Variants in DCC observed in about 807,000 individuals in gnomAD.
DCC encodes DCC netrin 1 receptor, also known as netrin receptor DCC.
A neutral mutation model predicts 172.5 loss-of-function variants in DCC; 58 were observed. That is an observed-to-expected ratio of 0.34 (90% CI 0.27 to 0.42). DCC has a LOEUF of 0.42. DCC is among the 10% of genes least tolerant of loss of function. The pLI, the probability that DCC is intolerant of heterozygous loss-of-function variation, is 1.00. For missense variants in DCC, 1,740 were observed against 1,791.0 expected, an observed-to-expected ratio of 0.97 and a Z score of 0.51; for synonymous variants, 709 against 644.5, an observed-to-expected ratio of 1.10 and a Z score of -1.52.
intron 7 of DCC, among the ~76,000 whole-genome samples, chr18:53,148,019 T>C (rs958750724): frequency 3.1e-4 from 47 of 152,152 alleles, no homozygotes; most frequent in African/African-American, 1.1e-3. Context: ...TTTACTTGAG[T>C]TTCTCACTGG....
chr18:52,839,710 A>C (rs1393590442), intron 2 of DCC, among the ~76,000 whole-genome samples: 1 of 152,208 alleles, frequency 6.6e-6, no homozygotes, highest in Non-Finnish European at 1.5e-5. Context: ...TTGTATCTTC[A>C]TTCTGAGAGT....
At chr18:53,437,051 C>T (rs1461273412) in intron 22 of DCC, among the ~76,000 whole-genome samples, 2 of 152,152 alleles carry the variant, frequency 1.3e-5, no homozygotes, top group Non-Finnish European at 2.9e-5. Context: ...TTAATGCCTC[C>T]CTAACAGGGA....
intron 2 of DCC, among the ~76,000 whole-genome samples, chr18:52,760,703 TA>T (rs1232966637): frequency 3.3e-5 from 5 of 152,200 alleles, no homozygotes; most frequent in African/African-American, 1.2e-4. Context: ...TGGTAAAATA[TA>T]TTATTTGGAC....
At chr18:52,895,760 C>T (rs1276956522) in intron 2 of DCC, among the ~76,000 whole-genome samples, 1 of 151,912 alleles carries the variant, frequency 6.6e-6, no homozygotes, top group African/African-American at 2.4e-5. Flanking sequence ...TGTATGGATT[C>T]CTAGAAGAAA....
intron 27 of DCC, among the ~76,000 whole-genome samples, chr18:53,517,923 ACT>A (rs1415824284): frequency 3.3e-5 from 5 of 152,130 alleles, no homozygotes; most frequent in African/African-American, 1.2e-4. Context: ...AAATGCGGCT[ACT>A]CTCTTTTTGT....
At chr18:52,894,925 T>A (rs1409786033) in intron 2 of DCC, among the ~76,000 whole-genome samples, 1 of 152,182 alleles carries the variant, frequency 6.6e-6, no homozygotes, top group East Asian at 1.9e-4. Context: ...CAAAATAATG[T>A]TTGGCCAAAA....
chr18:52,898,080 A>T (rs1226874296), intron 2 of DCC, among the ~76,000 whole-genome samples: 1 of 152,182 alleles, frequency 6.6e-6, no homozygotes, highest in East Asian at 1.9e-4. Flanking sequence ...AAGGGATGTA[A>T]CCTTCAGGCT....
At chr18:53,279,399 A>G (rs368296837) in intron 12 of DCC, among the ~76,000 whole-genome samples, 3 of 150,864 alleles carry the variant, frequency 2.0e-5, no homozygotes, top group African/African-American at 4.9e-5. Flanking sequence ...TCGCAAGGAC[A>G]AAAAACCAAA....
At chr18:52,980,667 C>T (rs2041195647) in intron 5 of DCC, among the ~76,000 whole-genome samples, 1 of 151,872 alleles carries the variant, frequency 6.6e-6, no homozygotes, top group Non-Finnish European at 1.5e-5. Context: ...AAAATAAGTA[C>T]TAAATATTAT....
intron 1 of DCC, among the ~76,000 whole-genome samples, chr18:52,710,149 C>G (rs112384578): frequency 6.6e-6 from 1 of 152,196 alleles, no homozygotes; most frequent in African/African-American, 2.4e-5. Flanking sequence ...ATGCTTATTG[C>G]AGCTGCATTT....
At chr18:52,380,884 T>G (rs1188517285) in intron 1 of DCC, among the ~76,000 whole-genome samples, 1 of 152,172 alleles carries the variant, frequency 6.6e-6, no homozygotes, top group Non-Finnish European at 1.5e-5. Flanking sequence ...TGAAAGATTC[T>G]TCTTTAGTCT....
At chr18:52,742,695 G>A (rs1390884700) in intron 1 of DCC, among the ~76,000 whole-genome samples, 2 of 152,082 alleles carry the variant, frequency 1.3e-5, no homozygotes, top group Non-Finnish European at 2.9e-5. Flanking sequence ...TAGGCTTACT[G>A]ACAAAGTGCT....
At chr18:53,295,123 A>G (rs1199245583) in intron 12 of DCC, among the ~76,000 whole-genome samples, 1 of 152,180 alleles carries the variant, frequency 6.6e-6, no homozygotes, top group Admixed American at 6.5e-5. Flanking sequence ...CAAACTTTGC[A>G]TAGTAATGTC....
chr18:53,167,056 C>CA (rs1402629237), intron 8 of DCC, among the ~76,000 whole-genome samples: 1 of 152,010 alleles, frequency 6.6e-6, no homozygotes, highest in Admixed American at 6.6e-5. Flanking sequence ...AAAATCTTTC[C>CA]ACTAAGAATA....
At chr18:53,178,796 G>A (rs1265025218) in intron 8 of DCC, among the ~76,000 whole-genome samples, 166 bp from the exon 9 acceptor site, 3 of 152,128 alleles carry the variant, frequency 2.0e-5, no homozygotes, top group African/African-American at 7.2e-5. Context: ...CTTCCAATTA[G>A]TTTATTTTCT....
chr18:52,725,147 C>T (rs2145083838), intron 1 of DCC, among the ~76,000 whole-genome samples: 1 of 152,288 alleles, frequency 6.6e-6, no homozygotes, highest in South Asian at 2.1e-4. Context: ...GGCCACACTT[C>T]CTCTGAGGCT....
At chr18:53,487,307 T>A (rs987070936) in intron 26 of DCC, among the ~76,000 whole-genome samples, 2 of 152,280 alleles carry the variant, frequency 1.3e-5, no homozygotes, top group African/African-American at 4.8e-5. Flanking sequence ...ATATTTGGTA[T>A]CTGTTGGTTA....
intron 1 of DCC, among the ~76,000 whole-genome samples, chr18:52,441,544 T>C (rs1987969559): frequency 6.6e-6 from 1 of 152,220 alleles, no homozygotes; most frequent in African/African-American, 2.4e-5. Context: ...AACATTCCTC[T>C]GCCTTTTCTC....
chr18:53,244,420 A>T (rs2056341646), intron 12 of DCC, among the ~76,000 whole-genome samples: 2 of 152,128 alleles, frequency 1.3e-5, no homozygotes, highest in South Asian at 4.1e-4. Context: ...TTGTTATGGA[A>T]CATACCACCT....
Sources: allele counts gnomAD v4.1 joint callset (sites outside exome capture counted in the v4.1 genomes callset), GRCh38; gene constraint gnomAD v4.1.1; transcripts MANE v1.5; gene names NCBI Gene and HGNC (gene_info 2026-07-23, HGNC 2026-07-21).